SLC15A5: variants seen among roughly 807,000 people sequenced by gnomAD.
SLC15A5 encodes the protein Peptide/histidine transporter ENSP00000340402.
In SLC15A5, 58 loss-of-function variants were observed where a neutral mutation model predicts 56.1. The ratio of observed to expected loss-of-function variants is 1.03; its 90% CI spans 0.84 to 1.29. The LOEUF (loss-of-function observed/expected upper bound fraction) is 1.29, where lower values mean the gene tolerates loss of function less well. SLC15A5 is among the 50% of genes most tolerant of loss of function. The pLI is 0.00. For missense variants in SLC15A5, 681 were observed against 672.1 expected (o/e 1.01, Z -0.15); for synonymous variants, 264 against 250.5 (o/e 1.05, Z -0.51).
At chr12:16,194,512 T>G in intron 7 of SLC15A5, 59 bp from the exon 8 acceptor site, 7 of 1,175,264 alleles carry the variant, frequency 6.0e-6, no homozygotes, top group Middle Eastern at 1.9e-4. Context: ...CTGTGAATAT[T>G]TTATCATTCC....
chr12:16,202,737 A>G (rs1863969903), intron 7 of SLC15A5, among the ~76,000 whole-genome samples: 2 of 152,210 alleles, frequency 1.3e-5, no homozygotes, highest in African/African-American at 4.8e-5. Context: ...ATTGATTAAT[A>G]CATTTTAAAA....
intron 3 of SLC15A5, among the ~76,000 whole-genome samples, chr12:16,251,123 A>C (rs1047637892): frequency 6.6e-5 from 10 of 152,018 alleles, no homozygotes; most frequent in Admixed American, 1.3e-4. Flanking sequence ...GGGAATTTAG[A>C]AAATATCTGG....
intron 4 of SLC15A5, among the ~76,000 whole-genome samples, chr12:16,240,768 G>A (rs1055840384): frequency 1.3e-5 from 2 of 152,000 alleles, no homozygotes; most frequent in East Asian, 3.9e-4. Context: ...CACTTTTCTA[G>A]TACATGAGCT....
chr12:16,260,732 TA>T (rs1864634976), intron 2 of SLC15A5, among the ~76,000 whole-genome samples: 1 of 149,788 alleles, frequency 6.7e-6, no homozygotes, highest in African/African-American at 2.5e-5. Flanking sequence ...GAATACTTTC[TA>T]AACCTAAGTC....
chr12:16,244,872 A>T, intron 3 of SLC15A5, 72 bp from the exon 4 acceptor site: 21 of 1,437,588 alleles, frequency 1.5e-5, no homozygotes, highest in Non-Finnish European at 2.0e-5. Flanking sequence ...CTGATCAGAA[A>T]GATAACGATT....
At chr12:16,256,264 A>T (rs1864570586) in intron 3 of SLC15A5, among the ~76,000 whole-genome samples, 2 of 152,240 alleles carry the variant, frequency 1.3e-5, no homozygotes, top group African/African-American at 4.8e-5. Context: ...AAACTATTTC[A>T]GCTAGTAAAA....
intron 7 of SLC15A5, among the ~76,000 whole-genome samples, chr12:16,205,786 C>T (rs1182399410): frequency 6.6e-6 from 1 of 151,872 alleles, no homozygotes; most frequent in Non-Finnish European, 1.5e-5. Context: ...TTTCTGTTAT[C>T]TCTCTTTGGA....
chr12:16,216,143 G>T lies in SLC15A5; in HGVS notation c.1483+750C>A, dbSNP rs190991737. Among the ~76,000 whole-genome samples, 676 of 152,146 alleles carry T rather than the reference G, an allele frequency of 4.4e-3. 10 individuals are homozygous for T. The highest frequency in any genetic ancestry group is 3.6e-3 in the Non-Finnish European group (243 of 67,998). Reference sequence around the variant, plus strand: ...TTTTGAAAGTAGAGAATACACTTGTGATCATTTCCATAAAATAAGCAAAAG... The same window carrying T: ...TTTTGAAAGTAGAGAATACACTTGTTATCATTTCCATAAAATAAGCAAAAG... On this transcript the variant is annotated intron_variant, in intron 7 of 8. Transcript: ENST00000344941.
At chr12:16,261,423 T>C (rs1182000924) in intron 2 of SLC15A5, among the ~76,000 whole-genome samples, 1 of 152,212 alleles carries the variant, frequency 6.6e-6, no homozygotes, top group Non-Finnish European at 1.5e-5. Flanking sequence ...TACCCATTCC[T>C]CTCTGTTGCC....
At chr12:16,218,800 T>G (rs907776726) in intron 6 of SLC15A5, among the ~76,000 whole-genome samples, 3 of 152,156 alleles carry the variant, frequency 2.0e-5, no homozygotes, top group African/African-American at 7.2e-5. Flanking sequence ...AAGTAAGAGA[T>G]CTTATTATCT....
chr12:16,211,624 G>A (rs560563328), intron 7 of SLC15A5, among the ~76,000 whole-genome samples: 76 of 152,272 alleles, frequency 5.0e-4, no homozygotes, highest in African/African-American at 1.7e-3. Context: ...GAATTCATGA[G>A]TGTGAGGAAA....
In SLC15A5 at chr12:16,233,469, C is replaced by A. The variant is rs1864318382; in HGVS notation, c.1162+6212G>T. Among the ~76,000 whole-genome samples the A allele has an allele frequency of 2.0e-5, 3 of 152,162 alleles. No homozygotes were observed. In the South Asian group the frequency reaches 6.2e-4, roughly 32 times the overall value. ...TTAAAGGTGTTTTCTATTATCAAAT[C>A]AGTTGCAAATGTTCATCTGTGTAAA... On this transcript the variant is annotated intron_variant, in intron 5 of 8. Transcript: ENST00000344941.
At position 16,243,856 on chromosome 12, in the gene SLC15A5, A is replaced by G. The variant is rs977980514; in HGVS notation, c.975+724T>C. Among the ~76,000 whole-genome samples the G allele has an allele frequency of 1.3e-5, 2 of 152,182 alleles. No homozygotes were observed. Among genetic ancestry groups the G allele is most frequent in the African/African-American group, 4.8e-5 (2 of 41,444 alleles). ...AATTTTGTTGCAGCTCTATTATTCT[A>G]TGATTTCTAAATGTAACTCATTCAT... On this transcript the variant is annotated intron_variant, in intron 4 of 8. Coordinates refer to ENST00000344941, the MANE Select transcript of SLC15A5 (RefSeq NM_001170798.1). This position sits in a 1 kb window ranked among gnomAD's most constrained non-coding sequence, Gnocchi z 4.4.
At chr12:16,193,547 G>A (rs553865343) in intron 8 of SLC15A5, among the ~76,000 whole-genome samples, 21 of 152,074 alleles carry the variant, frequency 1.4e-4, no homozygotes, top group Admixed American at 7.2e-4. Context: ...AGTGACAATG[G>A]ATGAGATAAT....
chr12:16,275,185 T>C (rs1864803648), intron 1 of SLC15A5, among the ~76,000 whole-genome samples: 1 of 152,062 alleles, frequency 6.6e-6, no homozygotes, highest in Non-Finnish European at 1.5e-5. Flanking sequence ...AAACACTATT[T>C]GGTTCTTGAA....
At chr12:16,261,697 G>T (rs991254879) in intron 2 of SLC15A5, among the ~76,000 whole-genome samples, 1 of 152,114 alleles carries the variant, frequency 6.6e-6, no homozygotes, top group African/African-American at 2.4e-5. Context: ...CACAACATGT[G>T]TATGAGAGTT....
At chr12:16,268,593 A>AT (rs1225396833) in intron 2 of SLC15A5, among the ~76,000 whole-genome samples, 1 of 152,108 alleles carries the variant, frequency 6.6e-6, no homozygotes, top group Admixed American at 6.6e-5. Flanking sequence ...GTAGATTTAT[A>AT]TTTTTTTCTC....
intron 1 of SLC15A5, among the ~76,000 whole-genome samples, chr12:16,274,073 G>A (rs767941291): frequency 2.5e-4 from 38 of 151,638 alleles, no homozygotes; most frequent in Admixed American, 7.9e-4. Context: ...TTTCCAACAT[G>A]ATTTCTAGTG....
intron 7 of SLC15A5, among the ~76,000 whole-genome samples, chr12:16,212,359 C>A (rs971141336): frequency 6.6e-6 from 1 of 152,118 alleles, no homozygotes; most frequent in African/African-American, 2.4e-5. Flanking sequence ...TACTGACCTA[C>A]CCAAAGCCAT....
Sources: allele counts gnomAD v4.1 joint callset (sites outside exome capture counted in the v4.1 genomes callset), GRCh38; gene constraint gnomAD v4.1.1; non-coding constraint Gnocchi (gnomAD v3.1); transcripts MANE v1.5; gene names NCBI Gene and HGNC (gene_info 2026-07-23, HGNC 2026-07-21).